Variants in CASD1 observed in about 807,000 individuals in gnomAD.
The protein encoded by CASD1 is CAS1 domain sialic acid O acetyltransferase 1, also known as N-acetylneuraminate (7)9-O-acetyltransferase.
A neutral mutation model predicts 100.0 loss-of-function variants in CASD1; 41 were observed. The observed-to-expected ratio is 0.41, with a 90% CI of 0.32 to 0.53. The LOEUF is 0.53. CASD1 is among the 20% of genes least tolerant of loss of function. The pLI, the probability that CASD1 is intolerant of heterozygous loss-of-function variation, is 0.25. For missense variants in CASD1, 774 were observed against 948.7 expected, an observed-to-expected ratio of 0.82 and a Z score of 2.42; for synonymous variants, 321 against 315.6, an observed-to-expected ratio of 1.02 and a Z score of -0.18.
chr7:94,555,934 T>C lies in CASD1; in HGVS notation c.*176T>C. ...GTTGTATATATTGGAAATGTACATATCCAATATGAAATACTAAAACAAACA... is the reference window on the plus strand; with the variant it reads ...GTTGTATATATTGGAAATGTACATACCCAATATGAAATACTAAAACAAACA... On this transcript the variant is annotated 3_prime_UTR_variant, in exon 18 of 18. Coordinates refer to ENST00000297273, the MANE Select transcript of CASD1 (RefSeq NM_022900.5). 4.9e-6 allele frequency: 3 copies of C among 609,286 alleles called. No individual in the cohort carries two copies. The allele number at this position is 609,286 out of a possible 1,614,324, so 37.7% of individuals were successfully genotyped here. A position where few individuals can be genotyped will look rare whatever the true frequency, so the allele number is the denominator to read the frequency against.
chr7:94,621,022 C>T, the CASD1 span: 1 of 152,268 alleles, frequency 6.6e-6, no homozygotes, highest in African/African-American at 2.4e-5. Context: ...ACTTTATGTA[C>T]TCTCCTTGAG....
In CASD1 at chr7:94,545,709, T is replaced by C. The variant is rs370597640; in HGVS notation, c.1633+8T>C. 884 of 1,542,340 alleles carry C rather than the reference T, an allele frequency of 5.7e-4. 7 individuals carry two copies. In the South Asian group the frequency reaches 6.3e-3, roughly 11 times the overall value. ...TCCAAAAAAAAGCAAACGGTAAATA[T>C]ACTTTCTTACTAATGTTAGTAAATA... On this transcript the variant is annotated splice_region_variant and intron_variant, in intron 12 of 17. Transcript: ENST00000297273.
At chr7:94,625,289 C>G in the CASD1 span, 1 of 151,866 alleles carries the variant, frequency 6.6e-6, no homozygotes, top group Non-Finnish European at 1.5e-5. Context: ...ATACCTGTTA[C>G]TATAAATGAA....
intron 16 of CASD1, chr7:94,553,068 C>T: frequency 2.7e-6 from 1 of 366,082 alleles, no homozygotes; most frequent in Non-Finnish European, 5.3e-6. Flanking sequence ...ACAACTTATG[C>T]AATACTTTAA....
Position 94,514,612 on chromosome 7 carries a change from T to C in CASD1, c.134-2948T>C, listed in dbSNP as rs1320817007. Among the ~76,000 whole-genome samples the C allele has an allele frequency of 2.6e-5, 4 of 152,172 alleles. No individual in the cohort carries two copies. In the East Asian group the frequency reaches 5.8e-4, roughly 22 times the overall value. On this transcript the variant is annotated intron_variant, in intron 1 of 17. Coordinates refer to ENST00000297273, the MANE Select transcript of CASD1 (RefSeq NM_022900.5). Reference sequence around the variant, plus strand: ...GTTTTTGTTTGTTTGCTTTTAAGTATTTTTCTATCACAGAAAAATCATGCA... The same window carrying C: ...GTTTTTGTTTGTTTGCTTTTAAGTACTTTTCTATCACAGAAAAATCATGCA...
At chr7:94,554,762 G>A (rs551737605) in intron 17 of CASD1, among the ~76,000 whole-genome samples, 187 bp downstream of exon 17, 2 of 151,968 alleles carry the variant, frequency 1.3e-5, no homozygotes, top group Admixed American at 1.3e-4. Flanking sequence ...AAAGTATTTT[G>A]GAATGTTTTT....
intron 16 of CASD1, chr7:94,553,815 T>TAAATAAATAAATAAAA (rs370820977): frequency 1.3e-5 from 2 of 150,814 alleles, no homozygotes; most frequent in Admixed American, 6.6e-5. Context: ...AATAAATAAA[T>TAAATAAATAAATAAAA]AAAAAGAAAA....
At chr7:94,574,837 G>C in the CASD1 span, among the ~76,000 whole-genome samples, 13 of 152,060 alleles carry the variant, frequency 8.5e-5, no homozygotes, top group African/African-American at 3.1e-4. Flanking sequence ...GGGCATGGCA[G>C]CGGGCACCTG....
At chr7:94,571,593 A>G in the CASD1 span, among the ~76,000 whole-genome samples, 2 of 152,314 alleles carry the variant, frequency 1.3e-5, no homozygotes, top group Non-Finnish European at 2.9e-5. Context: ...ATGTAGTGGT[A>G]GAAAGCTTAG....
intron 2 of CASD1, 41 bp downstream of exon 2, chr7:94,517,697 G>T (rs1341468806): frequency 8.2e-7 from 1 of 1,219,810 alleles, no homozygotes; most frequent in East Asian, 2.3e-5. Context: ...TTCAGGATGG[G>T]TCTTAATATG....
the CASD1 span, chr7:94,619,892 CT>C: frequency 2.0e-5 from 3 of 152,206 alleles, no homozygotes; most frequent in Non-Finnish European, 2.9e-5. Flanking sequence ...CTAAAAGAGA[CT>C]GCATATATAA....
Position 94,550,027 on chromosome 7 carries a change from C to T in CASD1, c.1815+393C>T, listed in dbSNP as rs181303584. 2.0e-3 allele frequency among the ~76,000 whole-genome samples: 304 copies of T among 152,068 alleles called. 2 individuals are homozygous for T. The highest frequency in any genetic ancestry group is 7.0e-3 in the African/African-American group (289 of 41,502). ...AGAAAGAAGACATCTCAGCAGGCTT[C>T]GAAGCTTTCAGAGTCTAGTTTAAAA... On this transcript the variant is annotated intron_variant, in intron 14 of 17. Coordinates refer to ENST00000297273, the MANE Select transcript of CASD1 (RefSeq NM_022900.5).
intron 9 of CASD1, among the ~76,000 whole-genome samples, chr7:94,538,723 A>C (rs1163822475): frequency 6.6e-6 from 1 of 152,172 alleles, no homozygotes; most frequent in Non-Finnish European, 1.5e-5. Flanking sequence ...CAAGGGGATC[A>C]ACTTAAATAT....
At chr7:94,542,641 T>C (rs773604453) in intron 10 of CASD1, among the ~76,000 whole-genome samples, 1 of 152,186 alleles carries the variant, frequency 6.6e-6, no homozygotes, top group Non-Finnish European at 1.5e-5. Flanking sequence ...GTTTCAACTT[T>C]TCATGAAAAG....
At chr7:94,545,293 C>CAG (rs1202807180) in intron 11 of CASD1, among the ~76,000 whole-genome samples, 1 of 151,988 alleles carries the variant, frequency 6.6e-6, no homozygotes, top group East Asian at 1.9e-4. Context: ...CAGTTATAGC[C>CAG]AGAGGACAGC....
intron 10 of CASD1, among the ~76,000 whole-genome samples, chr7:94,542,774 G>A (rs1795477184): frequency 6.6e-6 from 1 of 152,176 alleles, no homozygotes; most frequent in South Asian, 2.1e-4. Flanking sequence ...ATTCAGGAAT[G>A]AGGTAAGGGC....
chr7:94,607,382 A>G, the CASD1 span, among the ~76,000 whole-genome samples: 1 of 152,196 alleles, frequency 6.6e-6, no homozygotes, highest in Non-Finnish European at 1.5e-5. Context: ...CATCTCTCAT[A>G]AACACAGGTG....
the CASD1 span, among the ~76,000 whole-genome samples, chr7:94,581,775 T>C: frequency 5.3e-5 from 8 of 152,246 alleles, no homozygotes; most frequent in African/African-American, 1.9e-4. Flanking sequence ...CAGTCTGTCA[T>C]TGATGGGCAT....
At chr7:94,582,689 T>C in the CASD1 span, among the ~76,000 whole-genome samples, 1 of 152,358 alleles carries the variant, frequency 6.6e-6, no homozygotes, top group Admixed American at 6.5e-5. Flanking sequence ...GAAGCTTCTC[T>C]GACCTTGCTG....
Sources: allele counts gnomAD v4.1 joint callset (sites outside exome capture counted in the v4.1 genomes callset), GRCh38; gene constraint gnomAD v4.1.1; transcripts MANE v1.5; gene names NCBI Gene and HGNC (gene_info 2026-07-23, HGNC 2026-07-21).